The following DNAJC6 variants were observed in gnomAD, a reference collection of about 807,000 sequenced individuals.
The protein encoded by DNAJC6 is DnaJ heat shock protein family (Hsp40) member C6.
A neutral mutation model predicts 110.0 loss-of-function variants in DNAJC6; 34 were observed. The observed-to-expected ratio is 0.31, with a 90% CI of 0.24 to 0.41. The LOEUF (loss-of-function observed/expected upper bound fraction) is 0.41, where lower values mean the gene tolerates loss of function less well. DNAJC6 is among the 10% of genes least tolerant of loss of function. The pLI is 1.00. For synonymous variants in DNAJC6, 406 were observed against 437.2 expected (o/e 0.93, Z 0.89); for missense variants, 1,031 against 1,207.8 (o/e 0.85, Z 2.17).
chr1:65,334,438 A>G (rs1409274160), intron 1 of DNAJC6, among the ~76,000 whole-genome samples: 4 of 152,246 alleles, frequency 2.6e-5, no homozygotes, highest in Admixed American at 2.0e-4. Flanking sequence ...TGTTGGGAGA[A>G]CTGCAAAGAG....
rs1646153977 is a variant in DNAJC6, at chr1:65,414,452, A to G, written c.*1427A>G. 1 of 152,676 alleles carries G rather than the reference A, an allele frequency of 6.5e-6. No individual in the cohort carries two copies. The highest frequency in any genetic ancestry group is 2.1e-4 in the South Asian group (1 of 4,836). The allele number at this position is 152,676 out of a possible 1,614,324, so 9.5% of individuals were successfully genotyped here. A position where few individuals can be genotyped will look rare whatever the true frequency, so the allele number is the denominator to read the frequency against. ...GCTAATCTTCAAAGGTTCATGCTCA[A>G]TATTGTGAAAAGCTTTTAAAAGTTG... On this transcript the variant is annotated 3_prime_UTR_variant, in exon 19 of 19. Transcript: ENST00000371069.
Position 65,318,715 on chromosome 1 carries a change from C to T in DNAJC6, c.193+8777C>T, listed in dbSNP as rs373592052. On this transcript the variant is annotated intron_variant, in intron 1 of 18. Transcript: ENST00000371069. ...GGAGCTTGTCAGGGCATGGGTGGGG[C>T]GGGGGAAGGAGAGCATCAGGAAGAA... 3.2e-4 allele frequency among the ~76,000 whole-genome samples: 48 copies of T among 151,932 alleles called. No homozygotes were observed. In the South Asian group the frequency reaches 8.7e-3, roughly 28 times the overall value.
intron 1 of DNAJC6, among the ~76,000 whole-genome samples, chr1:65,329,405 G>T (rs1645267784): frequency 6.6e-6 from 1 of 152,030 alleles, no homozygotes; most frequent in Non-Finnish European, 1.5e-5. Flanking sequence ...AGAGGAAATG[G>T]CTACAGCTGA....
chr1:65,353,968 G>T (rs1382165999), intron 1 of DNAJC6, among the ~76,000 whole-genome samples: 1 of 152,074 alleles, frequency 6.6e-6, no homozygotes, highest in Admixed American at 6.5e-5. Flanking sequence ...GGTCTTCCTT[G>T]CCATCTCTGC....
At chr1:65,363,522 T>C (rs1279295810) in intron 1 of DNAJC6, among the ~76,000 whole-genome samples, 2 of 152,282 alleles carry the variant, frequency 1.3e-5, no homozygotes, top group African/African-American at 4.8e-5. Context: ...TACACTGTGA[T>C]ACACAGCACT....
At chr1:65,279,244 C>A in intron 1 of DNAJC6, 1 of 770,396 alleles carries the variant, frequency 1.3e-6, no homozygotes, top group Non-Finnish European at 1.6e-6. Flanking sequence ...TTGAACCCAG[C>A]TGTGACTCCT....
chr1:65,304,019 G>A (rs1557509706), intron 1 of DNAJC6, among the ~76,000 whole-genome samples: 1 of 152,104 alleles, frequency 6.6e-6, no homozygotes, highest in African/African-American at 2.4e-5. Context: ...CTAACTGATT[G>A]TTGTGTAACC....
At chr1:65,341,443 G>A (rs181688752) in intron 1 of DNAJC6, among the ~76,000 whole-genome samples, 1 of 152,250 alleles carries the variant, frequency 6.6e-6, no homozygotes, top group African/African-American at 2.4e-5. Flanking sequence ...AGCTCTGATT[G>A]TGTTACCTGG....
At chr1:65,366,297 G>C in intron 4 of DNAJC6, 101 bp downstream of exon 4, 1 of 1,280,958 alleles carries the variant, frequency 7.8e-7, no homozygotes, top group South Asian at 1.4e-5. Context: ...ATCTGAAGCT[G>C]AAAAACTATA....
intron 13 of DNAJC6, 55 bp downstream of exon 13, chr1:65,395,087 A>G (rs1570369116): frequency 2.6e-6 from 4 of 1,515,988 alleles, no homozygotes; most frequent in East Asian, 4.9e-5. Flanking sequence ...GCAAGATATC[A>G]GTAAGTGCTC....
chr1:65,358,528 T>G (rs1645568907), intron 1 of DNAJC6, among the ~76,000 whole-genome samples: 1 of 152,224 alleles, frequency 6.6e-6, no homozygotes, highest in South Asian at 2.1e-4. Context: ...AGTGGCCTAG[T>G]ATGTGGTAGG....
intron 4 of DNAJC6, among the ~76,000 whole-genome samples, chr1:65,371,458 A>G (rs373927867): frequency 2.6e-5 from 4 of 152,176 alleles, no homozygotes; most frequent in East Asian, 3.8e-4. Flanking sequence ...GTCATCATGC[A>G]GTAAGTAGTA....
intron 1 of DNAJC6, among the ~76,000 whole-genome samples, chr1:65,361,097 A>G (rs1645592736): frequency 6.6e-6 from 1 of 152,052 alleles, no homozygotes; most frequent in South Asian, 2.1e-4. Context: ...TGACCCTTCC[A>G]CTCGTTAACT....
chr1:65,368,695 C>CT (rs1645674443), intron 4 of DNAJC6, among the ~76,000 whole-genome samples: 1 of 118,138 alleles, frequency 8.5e-6, no homozygotes, highest in Non-Finnish European at 1.7e-5. Context: ...CTTCCTCCTC[C>CT]TCTTCCTCCT....
In DNAJC6 at chr1:65,405,967, G is replaced by T; in HGVS notation, c.2325G>T (p.Met775Ile). ...CACAGAAGGCGTCTCCCCAGCCTAT[G>T]GGTGGCGGGTGGCAGCAGGGAGGTG... ...SSPQKASPQP[M>I]GGGWQQGGAY... The change falls in exon 16 of 19, where the codon ATG becomes ATT. Residue 775 changes from methionine to isoleucine, a missense_variant. By Grantham distance (10) the Met-to-Ile change is conservative (BLOSUM62 1). Transcript: ENST00000371069. 6.2e-7 allele frequency: 1 copy of T among 1,614,208 alleles called. No individual in the cohort carries two copies. Among genetic ancestry groups the T allele is most frequent in the South Asian group, 1.1e-5 (1 of 91,082 alleles).
intron 11 of DNAJC6, among the ~76,000 whole-genome samples, chr1:65,390,379 T>C (rs1259935469): frequency 1.3e-5 from 2 of 152,328 alleles, no homozygotes; most frequent in East Asian, 3.9e-4. Context: ...AGCAAACACT[T>C]GGCCTGTATA....
At chr1:65,332,364 A>G (rs909876694) in intron 1 of DNAJC6, among the ~76,000 whole-genome samples, 47 of 152,352 alleles carry the variant, frequency 3.1e-4, no homozygotes, top group African/African-American at 9.4e-4. Flanking sequence ...AAAGGAATCA[A>G]TTATGCAAAG....
chr1:65,392,376 A>C (rs934003898), intron 11 of DNAJC6, 55 bp from the exon 12 acceptor site: 10 of 1,476,050 alleles, frequency 6.8e-6, no homozygotes, highest in Non-Finnish European at 9.1e-6. Context: ...TATAACAAAA[A>C]CCAACAATGC....
intron 4 of DNAJC6, among the ~76,000 whole-genome samples, chr1:65,378,774 T>C (rs964542598): frequency 6.6e-6 from 1 of 152,178 alleles, no homozygotes; most frequent in Non-Finnish European, 1.5e-5. Flanking sequence ...ATCTGCAAAA[T>C]GGGGTTTATA....
Sources: allele counts gnomAD v4.1 joint callset (sites outside exome capture counted in the v4.1 genomes callset), GRCh38; gene constraint gnomAD v4.1.1; transcripts MANE v1.5; gene names NCBI Gene and HGNC (gene_info 2026-07-23, HGNC 2026-07-21).